The following PALLD variants were observed in gnomAD, a reference collection of about 807,000 sequenced individuals.
PALLD encodes the protein palladin, cytoskeletal associated protein, also known as palladin.
Under a neutral mutation model 123.5 loss-of-function variants are expected in PALLD, and 61 were observed. That is an observed-to-expected ratio of 0.49 (90% CI 0.40 to 0.61). The LOEUF (loss-of-function observed/expected upper bound fraction) is 0.61, where lower values mean the gene tolerates loss of function less well. PALLD is among the 20% of genes least tolerant of loss of function. The pLI, the probability that PALLD is intolerant of heterozygous loss-of-function variation, is 0.00. For synonymous variants in PALLD, 465 were observed against 496.4 expected, an observed-to-expected ratio of 0.94 and a Z score of 0.84; for missense variants, 1,273 against 1,377.0, an observed-to-expected ratio of 0.92 and a Z score of 1.20.
chr4:168,914,321 A>C (rs1240612045), intron 16 of PALLD, among the ~76,000 whole-genome samples: 1 of 152,238 alleles, frequency 6.6e-6, no homozygotes, highest in African/African-American at 2.4e-5. Context: ...GCATATGAAA[A>C]TACTACTAAA....
At chr4:168,882,012 A>G (rs1406128759) in intron 10 of PALLD, among the ~76,000 whole-genome samples, 1 of 152,216 alleles carries the variant, frequency 6.6e-6, no homozygotes, top group African/African-American at 2.4e-5. Context: ...ATCTGTGCTC[A>G]TAAGGGAGTG....
rs549183935 is a variant in PALLD, at chr4:168,504,422, T to C, written c.-82-7001T>C. ...CAGCCTGGCCAATATGGTGAAACCCTGTCTCTACTAAAAATACAAAAATCA... is the reference window on the plus strand; with the variant it reads ...CAGCCTGGCCAATATGGTGAAACCCCGTCTCTACTAAAAATACAAAAATCA... On this transcript the variant is annotated intron_variant, in intron 1 of 21. Transcript: ENST00000505667. 4.6e-5 allele frequency among the ~76,000 whole-genome samples: 7 copies of C among 152,170 alleles called. No homozygotes were observed. In the South Asian group the frequency reaches 1.5e-3, roughly 32 times the overall value.
rs10020879 is a variant in PALLD, at chr4:168,894,954, A to T, written c.2199+277A>T. Among the ~76,000 whole-genome samples, 128,236 of 152,236 alleles carry T rather than the reference A, an allele frequency of 0.84. 54,190 individuals carry two copies. Among genetic ancestry groups the T allele is most frequent in the East Asian group, 1 (5,186 of 5,194 alleles). ...AGTACATTTCCATTTTCCTATCCTA[A>T]GTTTTATGCAAAATAATTTTGTGTG... On this transcript the variant is annotated intron_variant, in intron 12 of 21. Transcript: ENST00000505667.
At chr4:168,877,837 G>GCCGC in intron 10 of PALLD, 1 of 1,316,594 alleles carries the variant, frequency 7.6e-7, no homozygotes, top group Non-Finnish European at 9.7e-7. Flanking sequence ...CCTTCCCGCC[G>GCCGC]CCGCCCGCCT....
chr4:168,772,838 G>GA (rs1338088240), intron 10 of PALLD, among the ~76,000 whole-genome samples: 4 of 151,932 alleles, frequency 2.6e-5, no homozygotes, highest in African/African-American at 9.7e-5. Context: ...AAGAAAGGAA[G>GA]AAAAAAGAAA....
At chr4:168,560,907 A>G (rs1767797061) in intron 2 of PALLD, among the ~76,000 whole-genome samples, 1 of 152,194 alleles carries the variant, frequency 6.6e-6, no homozygotes, top group East Asian at 1.9e-4. Flanking sequence ...ACACACAAGT[A>G]CTCTAGCATA....
chr4:168,745,461 A>T (rs576992067), intron 10 of PALLD, among the ~76,000 whole-genome samples: 1 of 151,736 alleles, frequency 6.6e-6, no homozygotes, highest in South Asian at 2.1e-4. Context: ...TCTCTTAAAA[A>T]GGGGATGTAA....
chr4:168,917,049 G>GGTTTTTTTTTTTTTTTTTTTTT (rs1491537610), intron 17 of PALLD, among the ~76,000 whole-genome samples: 1 of 124,876 alleles, frequency 8.0e-6, no homozygotes, highest in African/African-American at 3.2e-5. Flanking sequence ...TTTTTTTGGG[G>GGTTTTTTTTTTTTTTTTTTTTT]TTTTTTTTTT....
chr4:168,511,737 A>C lies in PALLD; in HGVS notation c.233A>C (p.His78Pro), dbSNP rs1166653869. Residue 78 changes from histidine (H) to proline (P), a missense_variant, in exon 2 of 22, where the codon CAT becomes CCT. By Grantham distance (77) the His-to-Pro change is moderately conservative. Transcript: ENST00000505667. ...FSTSPASLCE[H>P]PSHKETKLGE... is the part of the protein sequence containing the mutation. ...ACTTCTCCTGCAAGCCTCTGTGAAC[A>C]TCCTTCCCATAAGGAGACCAAATTG... 6.2e-7 allele frequency: 1 copy of C among 1,614,062 alleles called. No homozygotes were observed. Among genetic ancestry groups the C allele is most frequent in the Non-Finnish European group, 8.5e-7 (1 of 1,180,032 alleles).
chr4:168,923,312 T>A (rs1761947423), intron 18 of PALLD, among the ~76,000 whole-genome samples: 1 of 152,212 alleles, frequency 6.6e-6, no homozygotes, highest in African/African-American at 2.4e-5. Flanking sequence ...ATTTGAAAAG[T>A]TCAGGTAGAA....
At position 168,917,551 on chromosome 4, in the gene PALLD, T is replaced by C. The variant is rs1256750319; in HGVS notation, c.2850+1524T>C. Among the ~76,000 whole-genome samples the C allele has an allele frequency of 2.0e-5, 3 of 152,236 alleles. No homozygotes were observed. The South Asian group carries it at 6.2e-4, about 32-fold the overall frequency. On this transcript the variant is annotated intron_variant, in intron 17 of 21. Transcript: ENST00000505667. ...GCCCCCTGTTTACTGATCTTAAATT[T>C]AGTTTAACTCTTAAATATGGATAAG... is the stretch of plus-strand genomic sequence containing the variant.
chr4:168,849,544 C>A (rs1246881096), intron 10 of PALLD, among the ~76,000 whole-genome samples: 1 of 152,184 alleles, frequency 6.6e-6, no homozygotes, highest in Non-Finnish European at 1.5e-5. Flanking sequence ...TTTTTAAAGT[C>A]TGAATTGAAT....
At chr4:168,678,511 G>C (rs1055545005) in intron 3 of PALLD, among the ~76,000 whole-genome samples, 1 of 152,104 alleles carries the variant, frequency 6.6e-6, no homozygotes, top group Non-Finnish European at 1.5e-5. Context: ...GGAAGATAGC[G>C]TATCAAGAAA....
chr4:168,511,306 TAAAGA>T lies in PALLD; in HGVS notation c.-82-113_-82-109del, dbSNP rs1366712796. ...TTGATATTTCTTCCAACTTGTAAAA[TAAAGA>T]AAACTTATATTCATTCACTTTAATG... On this transcript the variant is annotated intron_variant, in intron 1 of 21. Coordinates refer to ENST00000505667, the MANE Select transcript of PALLD (RefSeq NM_001166108.2). 4 of 564,128 alleles carry T rather than the reference TAAAGA, an allele frequency of 7.1e-6. No homozygotes were observed. The African/African-American group carries it at 7.9e-5, about 11-fold the overall frequency. The allele number at this position is 564,128 out of a possible 1,614,324, so 34.9% of individuals were successfully genotyped here. A position where few individuals can be genotyped will look rare whatever the true frequency, so the allele number is the denominator to read the frequency against.
Position 168,711,876 on chromosome 4 carries a change from G to A in PALLD, c.1917G>A (p.Leu639=), listed in dbSNP as rs768224980. The change falls in exon 10 of 22, where the codon CTG becomes CTA. Residue 639 remains leucine, a synonymous_variant. Transcript: ENST00000505667. ...SNKSLPTPAV[L]LSPTKEPPPL... is the part of the protein sequence containing the mutation. The stretch of plus-strand genomic sequence containing the variant: ...AATCTCTTCCAACACCAGCTGTCCT[G>A]CTTTCACCCACTAAGGAGCCACCAC... 3.7e-6 allele frequency: 6 copies of A among 1,614,018 alleles called. No individual in the cohort carries two copies. Among genetic ancestry groups the A allele is most frequent in the Non-Finnish European group, 5.1e-6 (6 of 1,180,028 alleles).
intron 2 of PALLD, chr4:168,631,941 A>G: frequency 1.0e-6 from 1 of 980,752 alleles, no homozygotes; most frequent in Non-Finnish European, 1.2e-6. Context: ...TGGAGGAAAT[A>G]AAGCTTTGCA....
chr4:168,584,392 G>A (rs761597051), intron 2 of PALLD, among the ~76,000 whole-genome samples: 2 of 152,052 alleles, frequency 1.3e-5, no homozygotes, highest in African/African-American at 4.8e-5. Flanking sequence ...ACTTTTACTG[G>A]GTCTGGCATT....
intron 10 of PALLD, among the ~76,000 whole-genome samples, chr4:168,788,241 CT>C (rs35501104): frequency 0.91 from 138,084 of 152,236 alleles, 62,678 homozygotes; most frequent in Middle Eastern, 0.94. Flanking sequence ...TGAACTGGAT[CT>C]TTCCTTAGAA....
chr4:168,692,412 G>T (rs1305959351), intron 8 of PALLD, among the ~76,000 whole-genome samples: 4 of 152,180 alleles, frequency 2.6e-5, no homozygotes, highest in Non-Finnish European at 5.9e-5. Flanking sequence ...ATCAAATACT[G>T]TAGTCACTTT....
Sources: gnomAD v4.1 joint callset for allele counts (sites outside exome capture counted in the v4.1 genomes callset) on GRCh38, gnomAD v4.1.1 for gene constraint, MANE v1.5 for transcripts, NCBI Gene and HGNC (gene_info 2026-07-23, HGNC 2026-07-21) for gene names.